The following FGL1 variants were observed in gnomAD, a reference collection of about 807,000 sequenced individuals.
The protein encoded by FGL1 is fibrinogen-like protein 1.
A neutral mutation model predicts 43.7 loss-of-function variants in FGL1; 59 were observed. That is an observed-to-expected ratio of 1.35 (90% CI 1.10 to 1.68). The LOEUF (loss-of-function observed/expected upper bound fraction) is 1.68, where lower values mean the gene tolerates loss of function less well. FGL1 is among the 40% of genes most tolerant of loss of function. The pLI, the probability that FGL1 is intolerant of heterozygous loss-of-function variation, is 0.00. For missense variants in FGL1, 596 were observed against 373.0 expected (o/e 1.60, Z -4.92); for synonymous variants, 192 against 126.5 (o/e 1.52, Z -3.48).
chr8:17,882,854 A>G (rs868204245), intron 2 of FGL1, among the ~76,000 whole-genome samples: 2 of 42,412 alleles, frequency 4.7e-5, no homozygotes, highest in Non-Finnish European at 1.0e-4. Context: ...TATAATATAT[A>G]TCATATATAA....
chr8:17,876,578 A>G (rs2053459324), intron 3 of FGL1, among the ~76,000 whole-genome samples: 1 of 152,208 alleles, frequency 6.6e-6, no homozygotes, highest in Non-Finnish European at 1.5e-5. Context: ...TGAGAAAATG[A>G]TTATCTAAAA....
chr8:17,879,133 A>G (rs1323562282), intron 3 of FGL1, among the ~76,000 whole-genome samples: 1 of 151,684 alleles, frequency 6.6e-6, no homozygotes, highest in Non-Finnish European at 1.5e-5. Context: ...TTTTATATCA[A>G]AAAACAGTCA....
intron 1 of FGL1, among the ~76,000 whole-genome samples, chr8:17,887,582 G>A (rs2053647819): frequency 6.6e-6 from 1 of 152,150 alleles, no homozygotes; most frequent in Non-Finnish European, 1.5e-5. Flanking sequence ...GGGCGTGTTG[G>A]CTCACACCTG....
rs535404569 is a variant in FGL1 at position 17,873,097 on chromosome 8, GA to G, written c.502+921del. Among the ~76,000 whole-genome samples the G allele has an allele frequency of 2.2e-3, 342 of 152,142 alleles. 2 individuals are homozygous for G. The highest frequency in any genetic ancestry group is 7.8e-3 in the African/African-American group (324 of 41,520). ...TTTCATATATTATAGTGTTTTATTG[GA>G]AAAATAGCACCAATTGCCCAATTGT... is the stretch of plus-strand genomic sequence containing the variant. On this transcript the variant is annotated intron_variant, in intron 5 of 7. Transcript: ENST00000427924.
intron 1 of FGL1, among the ~76,000 whole-genome samples, chr8:17,886,049 G>T (rs1423076777): frequency 2.0e-5 from 3 of 152,264 alleles, no homozygotes; most frequent in East Asian, 3.9e-4. Context: ...CCACTGCCTA[G>T]AGTAAGATTT....
At chr8:17,891,855 A>T (rs2053709798) in intron 1 of FGL1, 1 of 954,618 alleles carries the variant, frequency 1.0e-6, no homozygotes, top group African/African-American at 1.8e-5. Flanking sequence ...TATGCTTTTC[A>T]TAAACTTTTT....
intron 7 of FGL1, among the ~76,000 whole-genome samples, chr8:17,867,804 G>A (rs2053292577): frequency 1.3e-5 from 2 of 152,168 alleles, no homozygotes; most frequent in South Asian, 4.1e-4. Context: ...TCGGCAGGGT[G>A]CGGTGGCTCA....
At chr8:17,881,905 C>G (rs560321396) in intron 3 of FGL1, 94 bp downstream of exon 3, 12 of 1,013,198 alleles carry the variant, frequency 1.2e-5, no homozygotes, top group East Asian at 5.1e-5. Flanking sequence ...TTGCTTGTTA[C>G]TGAAATAGGA....
intron 1 of FGL1, among the ~76,000 whole-genome samples, chr8:17,886,514 T>G (rs2053630450): frequency 6.6e-6 from 1 of 151,962 alleles, no homozygotes; most frequent in African/African-American, 2.4e-5. Flanking sequence ...TCCCAGCACT[T>G]TGGGAGGTCG....
chr8:17,876,132 A>G (rs1585135720), intron 3 of FGL1, among the ~76,000 whole-genome samples: 2 of 152,326 alleles, frequency 1.3e-5, no homozygotes, highest in Middle Eastern at 3.4e-3. Context: ...CTATAACATC[A>G]TCAACTTTCA....
intron 3 of FGL1, among the ~76,000 whole-genome samples, chr8:17,878,816 A>G (rs2053494418): frequency 6.6e-6 from 1 of 151,982 alleles, no homozygotes; most frequent in South Asian, 2.1e-4. Context: ...GATTATATGT[A>G]TGAATATTTA....
Position 17,864,678 on chromosome 8 carries a change from A to G in FGL1, c.853T>C (p.Trp285Arg), listed in dbSNP as rs2053242772. 1.2e-6 allele frequency: 2 copies of G among 1,613,660 alleles called. No homozygotes were observed. The highest frequency in any genetic ancestry group is 1.7e-6 in the Non-Finnish European group (2 of 1,179,920). Residue 285 changes from tryptophan (W) to arginine (R), a missense_variant, in exon 8 of 8, where the codon TGG (tryptophan) becomes CGG (arginine). Coordinates refer to ENST00000427924, the MANE Select transcript of FGL1 (RefSeq NM_004467.4). Reference sequence around the variant, plus strand: ...TACCACCACCCATGCCAGGTGTACCAGACAATCCCATTGTCTGTTTTAGCC... The same window carrying G: ...TACCACCACCCATGCCAGGTGTACCGGACAATCCCATTGTCTGTTTTAGCC... ...YTAKTDNGIVWYTWHGWWYSL... is the reference protein window; with the variant it reads ...YTAKTDNGIVRYTWHGWWYSL...
At chr8:17,877,240 T>A (rs561568752) in intron 3 of FGL1, among the ~76,000 whole-genome samples, 80 of 151,762 alleles carry the variant, frequency 5.3e-4, no homozygotes, top group Middle Eastern at 3.4e-3. Context: ...GTTTTTTTTT[T>A]AAAAAAGAAA....
intron 1 of FGL1, among the ~76,000 whole-genome samples, chr8:17,888,801 A>G (rs2053664517): frequency 6.6e-6 from 1 of 152,214 alleles, no homozygotes; most frequent in Non-Finnish European, 1.5e-5. Flanking sequence ...AAGAAGGCTT[A>G]GAAAATAAAC....
At chr8:17,878,099 T>G (rs545191217) in intron 3 of FGL1, among the ~76,000 whole-genome samples, 1 of 152,100 alleles carries the variant, frequency 6.6e-6, no homozygotes, top group Non-Finnish European at 1.5e-5. Flanking sequence ...TGGGCCTGCA[T>G]GCATGCACCA....
chr8:17,884,505 T>G (rs1039570706), intron 2 of FGL1, among the ~76,000 whole-genome samples: 1 of 152,108 alleles, frequency 6.6e-6, no homozygotes, highest in African/African-American at 2.4e-5. Flanking sequence ...TCTCTAGGAT[T>G]ACTTCTTATT....
chr8:17,875,543 T>TTCTTTCTTTCTCTCTCTC, intron 3 of FGL1, among the ~76,000 whole-genome samples: 1 of 16,856 alleles, frequency 5.9e-5, no homozygotes, highest in African/African-American at 1.7e-4. Context: ...TTCTCTTTCT[T>TTCTTTCTTTCTCTCTCTC]TCTTTCTTTC....
intron 5 of FGL1, among the ~76,000 whole-genome samples, chr8:17,870,962 C>CAGAT (rs539727469): frequency 6.9e-5 from 3 of 43,738 alleles, no homozygotes; most frequent in Non-Finnish European, 6.1e-5. Context: ...CACACCAGGA[C>CAGAT]GAGAACATCC....
At chr8:17,885,089 G>C (rs1420005053) in intron 2 of FGL1, among the ~76,000 whole-genome samples, 1 of 150,566 alleles carries the variant, frequency 6.6e-6, no homozygotes, top group African/African-American at 2.5e-5. Flanking sequence ...CGCCCAGGCT[G>C]GAGTGAAGTG....
Sources: allele counts gnomAD v4.1 joint callset (sites outside exome capture counted in the v4.1 genomes callset), GRCh38; gene constraint gnomAD v4.1.1; transcripts MANE v1.5; gene names NCBI Gene and HGNC (gene_info 2026-07-23, HGNC 2026-07-21).